ARB2A: variants seen among roughly 807,000 people sequenced by gnomAD.
ARB2A encodes cotranscriptional regulator ARB2A.
the ARB2A span, among the ~76,000 whole-genome samples, chr5:93,685,394 T>A: frequency 6.6e-6 from 1 of 152,216 alleles, no homozygotes; most frequent in African/African-American, 2.4e-5. Flanking sequence ...AAGACTCTGA[T>A]AATAATCTTA....
At chr5:94,003,845 A>G in the ARB2A span, among the ~76,000 whole-genome samples, 117 of 152,272 alleles carry the variant, frequency 7.7e-4, no homozygotes, top group African/African-American at 2.8e-3. Context: ...ATAGATGATT[A>G]TTTTAAAAAT....
At chr5:93,901,216 A>C in the ARB2A span, among the ~76,000 whole-genome samples, 1 of 152,220 alleles carries the variant, frequency 6.6e-6, no homozygotes, top group African/African-American at 2.4e-5. Flanking sequence ...GCATGAACAA[A>C]ATTTTTTAAA....
the ARB2A span, among the ~76,000 whole-genome samples, chr5:93,697,029 T>C: frequency 1.4e-5 from 2 of 141,796 alleles, no homozygotes; most frequent in African/African-American, 5.5e-5. Context: ...ACCACTGCAT[T>C]CCAGCCTGGG....
chr5:93,722,566 A>G, the ARB2A span, among the ~76,000 whole-genome samples: 5 of 152,122 alleles, frequency 3.3e-5, no homozygotes, highest in African/African-American at 9.7e-5. Context: ...CTAGGTAGAA[A>G]CTAACTACAG....
chr5:94,056,059 C>T, the ARB2A span: 2 of 388,198 alleles, frequency 5.2e-6, no homozygotes, highest in Non-Finnish European at 7.0e-6. Flanking sequence ...GGTAAAATGG[C>T]TTGTCCAAAA....
chr5:93,788,658 A>T, the ARB2A span, among the ~76,000 whole-genome samples: 1 of 152,210 alleles, frequency 6.6e-6, no homozygotes, highest in Non-Finnish European at 1.5e-5. Context: ...GACTTTCCGC[A>T]AAGGAAAACA....
the ARB2A span, among the ~76,000 whole-genome samples, chr5:94,107,956 T>C: frequency 2.0e-5 from 3 of 152,336 alleles, no homozygotes; most frequent in African/African-American, 7.2e-5. Flanking sequence ...TATTACTTTT[T>C]TTCACTTTGA....
At chr5:93,903,709 C>CTGTGTGTG in the ARB2A span, among the ~76,000 whole-genome samples, 61 of 144,440 alleles carry the variant, frequency 4.2e-4, 2 homozygotes, top group Middle Eastern at 7.0e-3. Context: ...TTCTATATAT[C>CTGTGTGTG]TGTGTGTGTG....
chr5:94,065,561 G>A, the ARB2A span, among the ~76,000 whole-genome samples: 1 of 151,998 alleles, frequency 6.6e-6, no homozygotes, highest in Non-Finnish European at 1.5e-5. Context: ...AAAACCAAAA[G>A]TGAGCAGGAG....
the ARB2A span, chr5:93,741,641 A>G: frequency 3.5e-6 from 5 of 1,426,024 alleles, no homozygotes; most frequent in Non-Finnish European, 4.6e-6. Flanking sequence ...GGCCCCCTCA[A>G]GCCCCGCCCC....
At chr5:93,648,728 A>G in the ARB2A span, among the ~76,000 whole-genome samples, 2 of 152,210 alleles carry the variant, frequency 1.3e-5, no homozygotes, top group African/African-American at 4.8e-5. Flanking sequence ...AGCTGAACTG[A>G]GGGACTTAAA....
chr5:93,735,587 T>C, the ARB2A span: 1 of 152,174 alleles, frequency 6.6e-6, no homozygotes, highest in South Asian at 2.1e-4. Context: ...TGCTGAAACA[T>C]CTCCTTTCTA....
At chr5:93,879,916 A>AT in the ARB2A span, among the ~76,000 whole-genome samples, 3 of 151,852 alleles carry the variant, frequency 2.0e-5, no homozygotes, top group Admixed American at 1.3e-4. Context: ...TGGAATCTGG[A>AT]TATCAGAGGT....
At chr5:93,622,536 TAC>T in the ARB2A span, among the ~76,000 whole-genome samples, 1 of 152,208 alleles carries the variant, frequency 6.6e-6, no homozygotes, top group African/African-American at 2.4e-5. Flanking sequence ...AGCAGAAAGC[TAC>T]AGTCTGTGCC....
chr5:94,066,900 C>T, the ARB2A span, among the ~76,000 whole-genome samples: 2 of 152,144 alleles, frequency 1.3e-5, no homozygotes, highest in Admixed American at 6.5e-5. Context: ...AAGAAAACTT[C>T]GGGCCAATAT....
the ARB2A span, among the ~76,000 whole-genome samples, chr5:94,016,126 A>G: frequency 6.6e-6 from 1 of 152,242 alleles, no homozygotes; most frequent in African/African-American, 2.4e-5. Flanking sequence ...AAAAAAGAGC[A>G]GAAGTAGTTG....
the ARB2A span, among the ~76,000 whole-genome samples, chr5:93,823,184 A>G: frequency 1.3e-5 from 2 of 152,228 alleles, no homozygotes; most frequent in Non-Finnish European, 2.9e-5. Flanking sequence ...ATAAGAGATT[A>G]TGGACAGATC....
chr5:93,634,042 C>T, the ARB2A span, among the ~76,000 whole-genome samples: 1,208 of 152,220 alleles, frequency 7.9e-3, 17 homozygotes, highest in African/African-American at 0.027. Flanking sequence ...GGATTACAGT[C>T]GTGAACCACT....
chr5:94,046,466 T>G, the ARB2A span, among the ~76,000 whole-genome samples: 2 of 152,076 alleles, frequency 1.3e-5, no homozygotes, highest in Non-Finnish European at 2.9e-5. Flanking sequence ...GGGGATAACC[T>G]TGGAACTCAT....
Sources: allele counts gnomAD v4.1 joint callset (sites outside exome capture counted in the v4.1 genomes callset), GRCh38; gene constraint gnomAD v4.1.1; transcripts MANE v1.5; gene names NCBI Gene and HGNC (gene_info 2026-07-23, HGNC 2026-07-21).